Variants in DST observed in about 807,000 individuals in gnomAD.
DST encodes the protein bullous pemphigoid antigen.
DST carries 253 observed loss-of-function variants against 875.2 expected under a neutral mutation model. The observed-to-expected ratio is 0.29, with a 90% CI of 0.26 to 0.32. The LOEUF is 0.32. Among genes scored for constraint, DST ranks in the 10% least tolerant of loss-of-function variants. The pLI, the probability that DST is intolerant of heterozygous loss-of-function variation, is 1.00. For missense variants in DST, 8,287 were observed against 9,111.6 expected (o/e 0.91, Z 3.68); for synonymous variants, 3,124 against 3,197.1 (o/e 0.98, Z 0.77).
intron 61 of DST, among the ~76,000 whole-genome samples, chr6:56,543,366 C>A (rs1392345687): frequency 1.3e-5 from 2 of 152,122 alleles, no homozygotes; most frequent in African/African-American, 4.8e-5. Context: ...GTATTCCTAC[C>A]AGTGAGGGGC....
intron 5 of DST, among the ~76,000 whole-genome samples, chr6:56,720,352 T>C (rs2099410130): frequency 1.3e-5 from 2 of 151,238 alleles, no homozygotes; most frequent in Non-Finnish European, 1.5e-5. Context: ...TCCTGTTCTT[T>C]TTTTTTTTTT....
chr6:56,659,972 T>C (rs7761027), intron 10 of DST, among the ~76,000 whole-genome samples: 18,544 of 152,138 alleles, frequency 0.12, 2,457 homozygotes, highest in African/African-American at 0.34. Flanking sequence ...CAGAAGAAGA[T>C]AGGTTTGTGT....
chr6:56,825,159 A>G, intron 4 of DST, among the ~76,000 whole-genome samples: 1 of 150,062 alleles, frequency 6.7e-6, no homozygotes, highest in African/African-American at 2.5e-5. Flanking sequence ...TACTAAGAAA[A>G]ATTCTTCTGC....
At chr6:56,734,561 AG>A (rs1278509462) in intron 5 of DST, among the ~76,000 whole-genome samples, 5 of 152,190 alleles carry the variant, frequency 3.3e-5, no homozygotes, top group Non-Finnish European at 7.4e-5. Flanking sequence ...TGAAATCCTA[AG>A]GGTTCCTTAC....
At chr6:56,841,008 T>C (rs1162220647) in intron 4 of DST, among the ~76,000 whole-genome samples, 1 of 152,062 alleles carries the variant, frequency 6.6e-6, no homozygotes, top group Non-Finnish European at 1.5e-5. Context: ...TAAGTTTAAA[T>C]GAGAACATAA....
In DST at chr6:56,532,477, T is replaced by G. The variant is rs2096912947; in HGVS notation, c.16975A>C (p.Thr5659Pro). 6.2e-7 allele frequency: 1 copy of G among 1,606,878 alleles called. No homozygotes were observed. Among genetic ancestry groups the G allele is most frequent in the Admixed American group, 1.7e-5 (1 of 58,862 alleles). Residue 5659 changes from threonine to proline, a missense_variant, in exon 64 of 104, where the codon ACG (threonine) becomes CCG (proline). Physicochemically the swap from Thr to Pro is conservative, Grantham distance 38 (BLOSUM62 -1). Coordinates refer to ENST00000680361, the MANE Select transcript of DST (RefSeq NM_001374736.1). ...CCTTCTCGTTTGATTACCTCCACCGTAGATTTTCGGTCATCCAACAATCTC... is the reference window on the plus strand; with the variant it reads ...CCTTCTCGTTTGATTACCTCCACCGGAGATTTTCGGTCATCCAACAATCTC... ...LQRLLDDRKS[T>P]VEVIKREGEK...
chr6:56,641,762 C>T (rs1313468898), intron 17 of DST, among the ~76,000 whole-genome samples, 185 bp downstream of exon 17: 1 of 151,980 alleles, frequency 6.6e-6, no homozygotes, highest in Non-Finnish European at 1.5e-5. Flanking sequence ...TTTTCTATTG[C>T]TAATCTTTAA....
intron 5 of DST, among the ~76,000 whole-genome samples, chr6:56,724,780 T>A (rs2099441004): frequency 6.6e-6 from 1 of 152,186 alleles, no homozygotes; most frequent in Non-Finnish European, 1.5e-5. Flanking sequence ...TGTAATACTA[T>A]TATAAAACCA....
chr6:56,669,287 CAAA>C (rs1055863442), intron 10 of DST, among the ~76,000 whole-genome samples: 1 of 69,392 alleles, frequency 1.4e-5, no homozygotes. Flanking sequence ...TTTGTAAAAC[CAAA>C]AAAAAAAAAA....
intron 61 of DST, among the ~76,000 whole-genome samples, chr6:56,539,426 T>C (rs976690838): frequency 5.3e-5 from 8 of 152,184 alleles, no homozygotes; most frequent in Non-Finnish European, 8.8e-5. Flanking sequence ...ACAAGAACAA[T>C]TATTTCACAG....
At chr6:56,616,233 T>C (rs374413973) in intron 36 of DST, 4 of 1,614,162 alleles carry the variant, frequency 2.5e-6, no homozygotes, top group South Asian at 1.1e-5. Context: ...GCTTTGTCAA[T>C]TGTTCCCTGC....
intron 49 of DST, among the ~76,000 whole-genome samples, chr6:56,584,699 T>G (rs954265054): frequency 1.7e-4 from 26 of 152,230 alleles, no homozygotes; most frequent in Admixed American, 6.5e-4. Flanking sequence ...CTTCCCGTTT[T>G]TGCCCATTCA....
chr6:56,588,289 T>C (rs569665200), intron 49 of DST, among the ~76,000 whole-genome samples: 1 of 152,342 alleles, frequency 6.6e-6, no homozygotes, highest in Admixed American at 6.5e-5. Flanking sequence ...ATTTCTTAGC[T>C]ATTTATTCAT....
At chr6:56,584,095 T>C (rs1439622602) in intron 49 of DST, among the ~76,000 whole-genome samples, 5 of 152,158 alleles carry the variant, frequency 3.3e-5, no homozygotes, top group Admixed American at 6.6e-5. Flanking sequence ...TGGTTCCATA[T>C]GAACTTTAAA....
In DST at chr6:56,630,393, G is replaced by T; in HGVS notation, c.4143-10C>A. The T allele has an allele frequency of 6.2e-7, 1 of 1,610,782 alleles. No individual in the cohort carries two copies. Among genetic ancestry groups the T allele is most frequent in the Non-Finnish European group, 8.5e-7 (1 of 1,178,892 alleles). ...GTTAACAGTTTTCAACCTTAAAAAG[G>T]AAATTAAACAATAGCCACCTATGGT... On this transcript the variant is annotated splice_polypyrimidine_tract_variant and intron_variant, in intron 30 of 103. Coordinates refer to ENST00000680361, the MANE Select transcript of DST (RefSeq NM_001374736.1).
chr6:56,481,704 A>T (rs2095407947), intron 90 of DST, among the ~76,000 whole-genome samples: 1 of 152,246 alleles, frequency 6.6e-6, no homozygotes, highest in African/African-American at 2.4e-5. Flanking sequence ...CTCGTTAAAG[A>T]GGTTTTATTT....
At chr6:56,709,364 T>C (rs2099353571) in intron 5 of DST, among the ~76,000 whole-genome samples, 1 of 152,256 alleles carries the variant, frequency 6.6e-6, no homozygotes, top group African/African-American at 2.4e-5. Flanking sequence ...AGGTCTGTAT[T>C]ACCTAAATGG....
Position 56,463,692 on chromosome 6 carries a change from GC to G in DST, c.22831del (p.Ala7611LeufsTer48). ...LADGASQGMAAFRPRGRRSRP... is the reference protein window; with the variant it reads ...LADGASQGMAXFRPRGRRSRP... ...GGATCTTCGGCCTCGGGGTCGGAAAGCAGCCATACCCTGGCTGGCACCATCT... is the reference window on the plus strand; with the variant it reads ...GGATCTTCGGCCTCGGGGTCGGAAAGAGCCATACCCTGGCTGGCACCATCT... On this transcript the variant is annotated frameshift_variant, in exon 101 of 104. Transcript: ENST00000680361. LOFTEE classifies it high-confidence loss of function. The G allele has an allele frequency of 6.2e-7, 1 of 1,613,980 alleles. No individual in the cohort carries two copies.
At chr6:56,666,110 T>C (rs2099070883) in intron 10 of DST, among the ~76,000 whole-genome samples, 1 of 152,200 alleles carries the variant, frequency 6.6e-6, no homozygotes, top group Admixed American at 6.5e-5. Context: ...ACATGACAAT[T>C]AGAAAATTAT....
Sources: gnomAD v4.1 joint callset for allele counts (sites outside exome capture counted in the v4.1 genomes callset) on GRCh38, gnomAD v4.1.1 for gene constraint, MANE v1.5 for transcripts, NCBI Gene and HGNC (gene_info 2026-07-23, HGNC 2026-07-21) for gene names.